CYP7B1: variants seen among roughly 807,000 people sequenced by gnomAD.
The protein encoded by CYP7B1 is cytochrome P450 family 7 subfamily B member 1.
A neutral mutation model predicts 42.7 loss-of-function variants in CYP7B1; 29 were observed. The ratio of observed to expected loss-of-function variants is 0.68; its 90% CI spans 0.51 to 0.93. The LOEUF is 0.93. Among genes scored for constraint, CYP7B1 ranks in the 40% least tolerant of loss-of-function variants. CYP7B1 has a pLI of 0.00. For missense variants in CYP7B1, 655 were observed against 600.5 expected, an observed-to-expected ratio of 1.09 and a Z score of -0.95; for synonymous variants, 235 against 218.2, an observed-to-expected ratio of 1.08 and a Z score of -0.68.
chr8:64,787,657 AC>A (rs1804549017), intron 1 of CYP7B1, among the ~76,000 whole-genome samples: 1 of 151,950 alleles, frequency 6.6e-6, no homozygotes, highest in African/African-American at 2.4e-5. Flanking sequence ...AAACTGTTCC[AC>A]CCTCTATCTG....
intron 1 of CYP7B1, chr8:64,728,037 C>T (rs1807348925): frequency 6.6e-6 from 1 of 152,206 alleles, no homozygotes; most frequent in Admixed American, 6.5e-5. Context: ...GGTCATAAGT[C>T]GTGGGTTTAG....
intron 1 of CYP7B1, among the ~76,000 whole-genome samples, chr8:64,668,014 A>G (rs1309868097): frequency 2.6e-5 from 4 of 152,170 alleles, no homozygotes; most frequent in African/African-American, 9.7e-5. Flanking sequence ...TTAATCTTCC[A>G]AAGAATTCTT....
At chr8:64,690,063 A>G (rs898888186) in intron 1 of CYP7B1, among the ~76,000 whole-genome samples, 21 of 152,142 alleles carry the variant, frequency 1.4e-4, no homozygotes, top group African/African-American at 5.1e-4. Context: ...ATTTTATGCC[A>G]TCATTTCCCC....
chr8:64,672,542 T>A (rs1328272650), intron 1 of CYP7B1, among the ~76,000 whole-genome samples: 1 of 152,152 alleles, frequency 6.6e-6, no homozygotes, highest in African/African-American at 2.4e-5. Context: ...TTCTTACCTA[T>A]GATTCTTCCT....
chr8:64,649,740 A>T (rs1020806391), intron 1 of CYP7B1, among the ~76,000 whole-genome samples: 4 of 152,188 alleles, frequency 2.6e-5, no homozygotes, highest in African/African-American at 9.6e-5. Context: ...TGTTGTTTTG[A>T]TAGTGACCAT....
chr8:64,781,979 A>C (rs1411580225), intron 1 of CYP7B1, among the ~76,000 whole-genome samples: 1 of 152,180 alleles, frequency 6.6e-6, no homozygotes, highest in Non-Finnish European at 1.5e-5. Context: ...GAGACAATAG[A>C]TGCAAAATAT....
At chr8:64,650,331 C>T (rs138201429) in intron 1 of CYP7B1, among the ~76,000 whole-genome samples, 3 of 152,066 alleles carry the variant, frequency 2.0e-5, no homozygotes, top group Non-Finnish European at 4.4e-5. Context: ...GAAACAAAGT[C>T]ATAGATCAGT....
At chr8:64,597,362 T>C (rs574601699) in intron 5 of CYP7B1, among the ~76,000 whole-genome samples, 308 of 152,318 alleles carry the variant, frequency 2.0e-3, no homozygotes, top group Non-Finnish European at 3.7e-3. Context: ...TAACTGTGGA[T>C]TCCTAATTCG....
intron 5 of CYP7B1, 145 bp from the exon 6 acceptor site, chr8:64,597,074 A>C: frequency 7.8e-6 from 5 of 640,788 alleles, no homozygotes; most frequent in Non-Finnish European, 1.3e-5. Flanking sequence ...AGTGCAAATT[A>C]AGCATGAACT....
chr8:64,718,429 C>G (rs751180080), intron 1 of CYP7B1, among the ~76,000 whole-genome samples: 1 of 152,202 alleles, frequency 6.6e-6, no homozygotes, highest in Non-Finnish European at 1.5e-5. Context: ...TGCCCTGAAT[C>G]TTCCTAGGCT....
chr8:64,768,064 T>A (rs899219642), intron 1 of CYP7B1, among the ~76,000 whole-genome samples: 6 of 152,166 alleles, frequency 3.9e-5, no homozygotes, highest in Non-Finnish European at 5.9e-5. Context: ...ATTTCCTAAG[T>A]CGACTAAGAA....
chr8:64,761,934 C>A (rs1472980051), intron 1 of CYP7B1, among the ~76,000 whole-genome samples: 1 of 152,182 alleles, frequency 6.6e-6, no homozygotes, highest in Non-Finnish European at 1.5e-5. Flanking sequence ...CGCTCCTATG[C>A]ATATTCCATG....
chr8:64,589,229 A>T (rs1430347789), downstream of CYP7B1, among the ~76,000 whole-genome samples: 2 of 152,228 alleles, frequency 1.3e-5, no homozygotes, highest in Non-Finnish European at 1.5e-5. Flanking sequence ...CTCAAAGATC[A>T]AGAATCAACT....
At chr8:64,604,946 C>T (rs879828786) in intron 4 of CYP7B1, 89 bp from the exon 5 acceptor site, 18 of 1,383,834 alleles carry the variant, frequency 1.3e-5, no homozygotes, top group Non-Finnish European at 1.8e-5. Flanking sequence ...TTACTAATAG[C>T]CTTGATTGAA....
intron 1 of CYP7B1, among the ~76,000 whole-genome samples, chr8:64,653,299 G>A (rs1296599332): frequency 6.6e-6 from 1 of 152,050 alleles, no homozygotes; most frequent in East Asian, 1.9e-4. Flanking sequence ...TAAAAACAAT[G>A]AGAAATGATG....
intron 1 of CYP7B1, among the ~76,000 whole-genome samples, chr8:64,747,970 C>T (rs1807669826): frequency 6.6e-6 from 1 of 152,038 alleles, no homozygotes; most frequent in African/African-American, 2.4e-5. Context: ...TAGCCCATGA[C>T]CCATTGCAGC....
intron 1 of CYP7B1, among the ~76,000 whole-genome samples, chr8:64,728,609 A>C (rs1008304619): frequency 2.0e-5 from 3 of 152,200 alleles, no homozygotes; most frequent in Non-Finnish European, 4.4e-5. Context: ...ATTTCCTCAT[A>C]ATATATATTA....
chr8:64,772,610 G>A (rs73242281), intron 1 of CYP7B1, among the ~76,000 whole-genome samples: 6,116 of 152,094 alleles, frequency 0.04, 415 homozygotes, highest in African/African-American at 0.14. Flanking sequence ...AGGCGCACAC[G>A]CACACACACA....
intron 1 of CYP7B1, among the ~76,000 whole-genome samples, chr8:64,654,571 A>G (rs1245824519): frequency 6.6e-6 from 1 of 152,208 alleles, no homozygotes; most frequent in Admixed American, 6.5e-5. Flanking sequence ...AGGAAGAATC[A>G]ATTTTATTAA....
Sources: allele counts gnomAD v4.1 joint callset (sites outside exome capture counted in the v4.1 genomes callset), GRCh38; gene constraint gnomAD v4.1.1; transcripts MANE v1.5; gene names NCBI Gene and HGNC (gene_info 2026-07-23, HGNC 2026-07-21).